Variants in IPO11 observed in about 807,000 individuals in gnomAD.
IPO11 encodes importin-11.
IPO11 carries 66 observed loss-of-function variants against 143.2 expected under a neutral mutation model. The ratio of observed to expected loss-of-function variants is 0.46; its 90% CI spans 0.38 to 0.57. IPO11 has a LOEUF of 0.57. Ranked by LOEUF, IPO11 falls within the 20% of genes least tolerant of loss-of-function variation. IPO11 has a pLI of 0.00. For missense variants in IPO11, 1,026 were observed against 1,141.0 expected (o/e 0.90, Z 1.45); for synonymous variants, 385 against 377.8 (o/e 1.02, Z -0.22).
intron 27 of IPO11, among the ~76,000 whole-genome samples, chr5:62,586,546 G>A (rs1744779436): frequency 1.3e-5 from 2 of 151,732 alleles, no homozygotes; most frequent in South Asian, 4.2e-4. Context: ...GAGGTCGGGA[G>A]TTCGAGACCA....
intron 1 of IPO11, among the ~76,000 whole-genome samples, chr5:62,426,115 G>C (rs1450839408): frequency 6.6e-6 from 1 of 152,128 alleles, no homozygotes; most frequent in Non-Finnish European, 1.5e-5. Flanking sequence ...GGCTGGTCGT[G>C]GTGGCTCACG....
chr5:62,468,640 A>C (rs1002550272), intron 6 of IPO11, among the ~76,000 whole-genome samples: 9 of 152,186 alleles, frequency 5.9e-5, no homozygotes, highest in Non-Finnish European at 5.9e-5. Context: ...AATGATTAAG[A>C]AATTTTCAAG....
rs1451996175 is a variant in IPO11 at position 62,542,712 on chromosome 5, T to C, written c.2250+5423T>C. On this transcript the variant is annotated intron_variant, in intron 24 of 29. Coordinates refer to ENST00000325324, the MANE Select transcript of IPO11 (RefSeq NM_016338.5). ...AGCAAAGGATACGCTTTACTTTATT[T>C]TGTGACTGAACATGTTATCTAGAGG... Among the ~76,000 whole-genome samples the C allele has an allele frequency of 2.0e-5, 3 of 151,986 alleles. No homozygotes were observed. The East Asian group carries it at 5.8e-4, about 29-fold the overall frequency.
chr5:62,502,189 C>T (rs73760827), intron 16 of IPO11, among the ~76,000 whole-genome samples: 2,039 of 152,274 alleles, frequency 0.013, 44 homozygotes, highest in African/African-American at 0.047. Flanking sequence ...TATGTCTTGA[C>T]GGCACTTACT....
intron 11 of IPO11, 82 bp downstream of exon 11, chr5:62,484,244 A>T: frequency 2.7e-6 from 3 of 1,110,410 alleles, no homozygotes; most frequent in Non-Finnish European, 1.2e-6. Flanking sequence ...ATAATATTGT[A>T]TTTTCATACA....
chr5:62,464,011 A>C (rs1156326268), intron 5 of IPO11, among the ~76,000 whole-genome samples: 1 of 151,436 alleles, frequency 6.6e-6, no homozygotes, highest in African/African-American at 2.4e-5. Flanking sequence ...TGTAATAGAG[A>C]CGGCGTTTCG....
At chr5:62,578,290 A>G (rs1299062226) in intron 27 of IPO11, among the ~76,000 whole-genome samples, 1 of 152,108 alleles carries the variant, frequency 6.6e-6, no homozygotes, top group East Asian at 1.9e-4. Context: ...TTTTAAAAAG[A>G]GCACTGGAGG....
intron 27 of IPO11, among the ~76,000 whole-genome samples, chr5:62,582,451 G>A (rs1561373037): frequency 2.0e-5 from 3 of 152,146 alleles, no homozygotes; most frequent in South Asian, 4.1e-4. Context: ...GCAAAATAAT[G>A]AGTCAGTTTT....
At chr5:62,469,580 A>G (rs894118673) in intron 6 of IPO11, among the ~76,000 whole-genome samples, 1 of 152,176 alleles carries the variant, frequency 6.6e-6, no homozygotes, top group Non-Finnish European at 1.5e-5. Context: ...TACATATACC[A>G]TGGAATCCAT....
intron 5 of IPO11, among the ~76,000 whole-genome samples, chr5:62,466,435 CTGA>C (rs1487090731): frequency 6.6e-6 from 1 of 152,070 alleles, no homozygotes; most frequent in Non-Finnish European, 1.5e-5. Flanking sequence ...CCGAAGTATG[CTGA>C]TGATAACTAG....
intron 21 of IPO11, 105 bp downstream of exon 21, chr5:62,526,362 A>ATGTAAACTC: frequency 1.4e-6 from 1 of 727,314 alleles, no homozygotes; most frequent in Non-Finnish European, 2.3e-6. Flanking sequence ...AAAACAGAAA[A>ATGTAAACTC]TGTAAACTCT....
intron 16 of IPO11, among the ~76,000 whole-genome samples, chr5:62,495,232 T>G (rs1580246573): frequency 6.6e-6 from 1 of 152,246 alleles, no homozygotes; most frequent in East Asian, 1.9e-4. Flanking sequence ...TTACTGGGTT[T>G]ACATTCTTAG....
At chr5:62,521,547 C>T (rs763281786) in intron 20 of IPO11, among the ~76,000 whole-genome samples, 1 of 152,144 alleles carries the variant, frequency 6.6e-6, no homozygotes, top group Non-Finnish European at 1.5e-5. Context: ...AGTGCCTTTT[C>T]ATCTCACTGT....
chr5:62,537,303 T>C lies in IPO11; in HGVS notation c.2250+14T>C. The C allele has an allele frequency of 7.0e-7, 1 of 1,431,994 alleles. No homozygotes were observed. The highest frequency in any genetic ancestry group is 9.8e-7 in the Non-Finnish European group (1 of 1,024,632). The allele number at this position is 1,431,994 out of a possible 1,614,324, so 88.7% of individuals were successfully genotyped here. On this transcript the variant is annotated intron_variant, in intron 24 of 29. Coordinates refer to ENST00000325324, the MANE Select transcript of IPO11 (RefSeq NM_016338.5). ...CAGGTGCTCAAGGTATTGTGATCAT[T>C]TTAAATGAATATATTTATGAATTTT...
At chr5:62,499,625 G>T (rs1043609978) in intron 16 of IPO11, among the ~76,000 whole-genome samples, 4 of 144,412 alleles carry the variant, frequency 2.8e-5, no homozygotes, top group Non-Finnish European at 4.5e-5. Context: ...GCCCAGGCTG[G>T]AGTGCAGAGG....
chr5:62,430,036 C>T (rs1743922392), intron 1 of IPO11, among the ~76,000 whole-genome samples: 1 of 152,098 alleles, frequency 6.6e-6, no homozygotes, highest in South Asian at 2.1e-4. Flanking sequence ...GGATTATAGG[C>T]GTGAGCTGCT....
At chr5:62,441,541 G>T (rs1285561274) in intron 2 of IPO11, among the ~76,000 whole-genome samples, 44 of 80,076 alleles carry the variant, frequency 5.5e-4, no homozygotes, top group South Asian at 8.3e-4. Flanking sequence ...ATGGGACAGA[G>T]TTTTGCTCTT....
At chr5:62,451,623 A>C (rs1744928045) in intron 4 of IPO11, 107 bp from the exon 5 acceptor site, 1 of 843,822 alleles carries the variant, frequency 1.2e-6, no homozygotes, top group Non-Finnish European at 1.9e-6. Context: ...CATTCAGTGA[A>C]ATCGTATTCA....
chr5:62,514,263 C>T (rs928246895), intron 19 of IPO11, among the ~76,000 whole-genome samples: 2 of 152,080 alleles, frequency 1.3e-5, no homozygotes, highest in Non-Finnish European at 2.9e-5. Flanking sequence ...GAGGCCATAG[C>T]GAGCCGAGAT....
Sources: allele counts gnomAD v4.1 joint callset (sites outside exome capture counted in the v4.1 genomes callset), GRCh38; gene constraint gnomAD v4.1.1; transcripts MANE v1.5; gene names NCBI Gene and HGNC (gene_info 2026-07-23, HGNC 2026-07-21).